Variants in RBPJ observed in about 807,000 individuals in gnomAD.
RBPJ encodes the protein recombining binding protein suppressor of hairless.
A neutral mutation model predicts 67.8 loss-of-function variants in RBPJ; 9 were observed. That is an observed-to-expected ratio of 0.13 (90% CI 0.08 to 0.23). The LOEUF (loss-of-function observed/expected upper bound fraction) is 0.23, where lower values mean the gene tolerates loss of function less well. RBPJ is among the 10% of genes least tolerant of loss of function. RBPJ has a pLI of 1.00. For missense variants in RBPJ, 305 were observed against 595.6 expected, an observed-to-expected ratio of 0.51 and a Z score of 5.08; for synonymous variants, 198 against 203.3, an observed-to-expected ratio of 0.97 and a Z score of 0.22.
intron 1 of RBPJ, among the ~76,000 whole-genome samples, chr4:26,329,830 C>T (rs1306944490): frequency 1.3e-5 from 2 of 151,026 alleles, no homozygotes; most frequent in African/African-American, 2.4e-5. Flanking sequence ...GGAGGCGGAG[C>T]GTGCAGTGAG....
chr4:26,190,486 T>C (rs1029011424), intron 1 of RBPJ, among the ~76,000 whole-genome samples: 3 of 152,146 alleles, frequency 2.0e-5, no homozygotes, highest in Non-Finnish European at 4.4e-5. Context: ...TGTACCATGA[T>C]ATGATTAGAA....
chr4:26,285,354 G>C (rs1218589136), intron 1 of RBPJ, among the ~76,000 whole-genome samples: 1 of 149,284 alleles, frequency 6.7e-6, no homozygotes, highest in African/African-American at 2.5e-5. Flanking sequence ...ATCTATTAGG[G>C]CATAACAAGT....
intron 1 of RBPJ, among the ~76,000 whole-genome samples, chr4:26,282,511 T>TA (rs1721308433): frequency 6.9e-6 from 1 of 145,874 alleles, no homozygotes; most frequent in Admixed American, 6.6e-5. Context: ...TTCATGTATT[T>TA]CTTTTTTTTT....
At chr4:26,425,111 G>GC (rs1485261879) in intron 7 of RBPJ, 1 of 263,504 alleles carries the variant, frequency 3.8e-6, no homozygotes, top group African/African-American at 2.2e-5. Flanking sequence ...TGTGGTACCT[G>GC]CCATATCCCA....
intron 1 of RBPJ, among the ~76,000 whole-genome samples, chr4:26,178,716 A>G (rs1430920411): frequency 6.6e-6 from 1 of 151,612 alleles, no homozygotes; most frequent in African/African-American, 2.4e-5. Flanking sequence ...AATTTTGAGA[A>G]CCCACCATGC....
intron 1 of RBPJ, among the ~76,000 whole-genome samples, chr4:26,229,090 C>T (rs1448725337): frequency 6.6e-6 from 1 of 152,120 alleles, no homozygotes; most frequent in Non-Finnish European, 1.5e-5. Context: ...CCATGGCCTC[C>T]CTCAGGAGAA....
At chr4:26,331,153 T>C (rs757246530) in intron 1 of RBPJ, among the ~76,000 whole-genome samples, 1 of 152,156 alleles carries the variant, frequency 6.6e-6, no homozygotes, top group Non-Finnish European at 1.5e-5. Flanking sequence ...TAGGCTAGAA[T>C]GCAGTGGTGC....
At chr4:26,329,694 A>C (rs1415642770) in intron 1 of RBPJ, among the ~76,000 whole-genome samples, 1 of 152,096 alleles carries the variant, frequency 6.6e-6, no homozygotes, top group Non-Finnish European at 1.5e-5. Context: ...GGAAATCGAG[A>C]CCATCCTGGC....
chr4:26,362,944 T>G (rs551550244), intron 1 of RBPJ, among the ~76,000 whole-genome samples: 3 of 152,312 alleles, frequency 2.0e-5, no homozygotes, highest in Non-Finnish European at 4.4e-5. Flanking sequence ...ACTCTGTAAT[T>G]ATCTTTTACA....
intron 1 of RBPJ, among the ~76,000 whole-genome samples, chr4:26,269,147 C>G (rs1024112056): frequency 2.0e-5 from 3 of 152,054 alleles, no homozygotes; most frequent in Non-Finnish European, 4.4e-5. Flanking sequence ...TCCCTTCCCT[C>G]TGAGCCCATC....
At chr4:26,120,120 C>T in the RBPJ span, among the ~76,000 whole-genome samples, 1 of 152,130 alleles carries the variant, frequency 6.6e-6, no homozygotes, top group Non-Finnish European at 1.5e-5. Context: ...TGAGCAAGAC[C>T]AAGAGGTCGA....
At chr4:26,194,858 C>T (rs567812227) in intron 1 of RBPJ, among the ~76,000 whole-genome samples, 3 of 152,276 alleles carry the variant, frequency 2.0e-5, no homozygotes, top group African/African-American at 7.2e-5. Flanking sequence ...GTTTTGCACA[C>T]CCTCCTAACC....
chr4:26,117,452 A>G, the RBPJ span, among the ~76,000 whole-genome samples: 1 of 152,178 alleles, frequency 6.6e-6, no homozygotes, highest in Non-Finnish European at 1.5e-5. Flanking sequence ...ACAATAGGTA[A>G]TATGACGTAT....
the RBPJ span, chr4:26,113,508 G>GA: frequency 1.8e-6 from 1 of 546,512 alleles, no homozygotes; most frequent in South Asian, 1.6e-5. Flanking sequence ...AAGCAATGTG[G>GA]AAAAACGTTC....
At chr4:26,391,306 G>T (rs1161172466) in intron 2 of RBPJ, among the ~76,000 whole-genome samples, 4 of 152,204 alleles carry the variant, frequency 2.6e-5, no homozygotes, top group African/African-American at 9.7e-5. Context: ...GTAGACCATT[G>T]TGACAGAATA....
chr4:26,427,952 G>A (rs1026731202), intron 7 of RBPJ, among the ~76,000 whole-genome samples: 1 of 152,182 alleles, frequency 6.6e-6, no homozygotes, highest in Non-Finnish European at 1.5e-5. Context: ...TATAGGGTTT[G>A]ATAGTATTAT....
intron 3 of RBPJ, chr4:26,410,081 C>G (rs1733871263): frequency 2.2e-6 from 1 of 453,888 alleles, no homozygotes; most frequent in Non-Finnish European, 4.4e-6. Context: ...ATCTAGCCCT[C>G]TGGATGTCTG....
Position 26,258,866 on chromosome 4 carries a change from C to T in RBPJ, c.-167+95252C>T, listed in dbSNP as rs778000578. On this transcript the variant is annotated intron_variant, in intron 1 of 4. Coordinates refer to the RBPJ transcript ENST00000512351. ...GTTGCCGGGCTGGAGTGCAGTGGTG[C>T]GATCTTGGCTCACTGCAACCTCTGC... Among the ~76,000 whole-genome samples, 7 of 152,012 alleles carry T rather than the reference C, an allele frequency of 4.6e-5. No homozygotes were observed. The East Asian group carries it at 1.2e-3, about 25-fold the overall frequency.
At chr4:26,183,104 A>G (rs1487655178) in intron 1 of RBPJ, among the ~76,000 whole-genome samples, 1 of 152,098 alleles carries the variant, frequency 6.6e-6, no homozygotes, top group Non-Finnish European at 1.5e-5. Context: ...CAGTCAATTT[A>G]TTATTATCAA....
Sources: allele counts gnomAD v4.1 joint callset (sites outside exome capture counted in the v4.1 genomes callset), GRCh38; gene constraint gnomAD v4.1.1; transcripts MANE v1.5; gene names NCBI Gene and HGNC (gene_info 2026-07-23, HGNC 2026-07-21).